FREM2: variants seen among roughly 807,000 people sequenced by gnomAD.
FREM2 encodes the protein FRAS1-related extracellular matrix protein 2.
FREM2 carries 119 observed loss-of-function variants against 219.9 expected under a neutral mutation model. That is an observed-to-expected ratio of 0.54 (90% CI 0.47 to 0.63). The LOEUF is 0.63. FREM2 is among the 30% of genes least tolerant of loss of function. FREM2 has a pLI of 0.00. For missense variants in FREM2, 4,030 were observed against 3,993.6 expected, an observed-to-expected ratio of 1.01 and a Z score of -0.25; for synonymous variants, 1,562 against 1,522.8, an observed-to-expected ratio of 1.03 and a Z score of -0.60.
intron 6 of FREM2, among the ~76,000 whole-genome samples, chr13:38,819,807 G>A (rs923205067): frequency 1.3e-5 from 2 of 152,034 alleles, no homozygotes; most frequent in Non-Finnish European, 1.5e-5. Context: ...CTTGCCCAAG[G>A]TCAAACAGCC....
intron 2 of FREM2, among the ~76,000 whole-genome samples, chr13:38,760,144 G>A (rs1445633965): frequency 1.3e-5 from 2 of 152,148 alleles, no homozygotes; most frequent in African/African-American, 4.8e-5. Context: ...TTAAGTATCT[G>A]TTTCATTTAT....
In FREM2 at chr13:38,694,915, A is replaced by G. The variant is rs549451848; in HGVS notation, c.5173+2398A>G. On this transcript the variant is annotated intron_variant, in intron 1 of 23. Transcript: ENST00000280481. ...TATTCTGTGGGATAATTTATAAGCC[A>G]GTTTCAGGAAAGCAGAAATGTCTTC... is the stretch of plus-strand genomic sequence containing the variant. Among the ~76,000 whole-genome samples the G allele has an allele frequency of 4.6e-5, 7 of 152,328 alleles. No individual in the cohort carries two copies. In the South Asian group the frequency reaches 1.4e-3, roughly 32 times the overall value.
At chr13:38,750,924 C>A (rs1593383808) in intron 2 of FREM2, among the ~76,000 whole-genome samples, 1 of 152,134 alleles carries the variant, frequency 6.6e-6, no homozygotes, top group East Asian at 1.9e-4. Context: ...GAACTCATGA[C>A]CTTAGGTGAT....
chr13:38,689,840 C>T lies in FREM2; in HGVS notation c.2496C>T (p.Ile832=). The change falls in exon 1 of 24, where the codon ATC becomes ATT. Residue 832 remains isoleucine, a synonymous_variant. Transcript: ENST00000280481. ...CCGTGGACAACCAGCCACCTGAGAT[C>T]CTCAACACCGGCTTCACTATTCAGG... ...LHPVDNQPPE[I]LNTGFTIQEK... The T allele has an allele frequency of 6.2e-7, 1 of 1,614,148 alleles. No homozygotes were observed.
At chr13:38,865,283 C>T (rs1383592707) in intron 16 of FREM2, among the ~76,000 whole-genome samples, 9 of 152,220 alleles carry the variant, frequency 5.9e-5, no homozygotes, top group Admixed American at 5.2e-4. Flanking sequence ...TCCTCACCCC[C>T]ACCCCATCAT....
chr13:38,832,861 A>G (rs1292193931), intron 6 of FREM2, among the ~76,000 whole-genome samples: 1 of 152,126 alleles, frequency 6.6e-6, no homozygotes, highest in African/African-American at 2.4e-5. Flanking sequence ...CCTGAGAAAC[A>G]TGGCAAAACC....
chr13:38,768,631 T>C (rs948639226), intron 3 of FREM2, among the ~76,000 whole-genome samples: 1 of 152,194 alleles, frequency 6.6e-6, no homozygotes, highest in African/African-American at 2.4e-5. Flanking sequence ...CTGAAAATGC[T>C]CAGGTTTAGA....
chr13:38,715,878 T>C (rs1870977839), intron 2 of FREM2, among the ~76,000 whole-genome samples: 1 of 152,056 alleles, frequency 6.6e-6, no homozygotes, highest in African/African-American at 2.4e-5. Flanking sequence ...TTAACCTTAG[T>C]CTAAGCTTAA....
At chr13:38,734,349 C>A (rs1464374961) in intron 2 of FREM2, among the ~76,000 whole-genome samples, 1 of 152,126 alleles carries the variant, frequency 6.6e-6, no homozygotes, top group African/African-American at 2.4e-5. Context: ...AGAAAAGACC[C>A]AGAGGAGTCT....
chr13:38,716,708 A>G (rs984322844), intron 2 of FREM2, among the ~76,000 whole-genome samples: 2 of 152,144 alleles, frequency 1.3e-5, no homozygotes, highest in Non-Finnish European at 2.9e-5. Context: ...GGGTTTCACC[A>G]TGTTGGCCAG....
chr13:38,740,948 T>TC (rs1302625447), intron 2 of FREM2, among the ~76,000 whole-genome samples: 1 of 152,182 alleles, frequency 6.6e-6, no homozygotes, highest in Non-Finnish European at 1.5e-5. Flanking sequence ...GTTTGACTAT[T>TC]CAACAATGCA....
At chr13:38,752,889 A>G (rs1281026775) in intron 2 of FREM2, among the ~76,000 whole-genome samples, 1 of 152,188 alleles carries the variant, frequency 6.6e-6, no homozygotes, top group African/African-American at 2.4e-5. Context: ...CCTTTAGCTC[A>G]GAGTCTCCTT....
chr13:38,832,088 G>A (rs929705598), intron 6 of FREM2, among the ~76,000 whole-genome samples: 1 of 152,000 alleles, frequency 6.6e-6, no homozygotes, highest in Non-Finnish European at 1.5e-5. Context: ...GCCAAGGCAG[G>A]TGGATCACTT....
intron 6 of FREM2, among the ~76,000 whole-genome samples, chr13:38,836,847 T>A (rs1876729894): frequency 6.6e-6 from 1 of 152,182 alleles, no homozygotes; most frequent in Non-Finnish European, 1.5e-5. Flanking sequence ...TCTTCTTTAT[T>A]AGTGTGGCTA....
Position 38,687,446 on chromosome 13 carries a change from G to T in FREM2, c.102G>T (p.Leu34=), listed in dbSNP as rs994570174. ...PPPPPRLLLL[L]LLLLSLVSRV... ...CGCCGCCCCGGCTGCTGCTGCTGCT[G>T]CTGCTTCTCCTGTCACTGGTAAGCC... The change falls in exon 1 of 24, where the codon CTG becomes CTT. Residue 34 remains leucine, a synonymous_variant. Transcript: ENST00000280481. 1 of 1,595,870 alleles carries T rather than the reference G, an allele frequency of 6.3e-7. No individual in the cohort carries two copies. The highest frequency in any genetic ancestry group is 1.1e-5 in the South Asian group (1 of 88,498).
chr13:38,688,139 C>G lies in FREM2; in HGVS notation c.795C>G (p.Arg265=). ...AAGCTTTCCAGGAACTAGGCGTGCG[C>G]TATCGCCACACAGCCGCCAGTCGCT... is the stretch of plus-strand genomic sequence containing the variant. The part of the protein sequence containing the change: ...DCKAFQELGV[R]YRHTAASRSP... Residue 265 remains arginine, a synonymous_variant, in exon 1 of 24, where the codon CGC becomes CGG. Transcript: ENST00000280481. 6.2e-7 allele frequency: 1 copy of G among 1,613,448 alleles called. No individual in the cohort carries two copies. Among genetic ancestry groups the G allele is most frequent in the South Asian group, 1.1e-5 (1 of 91,082 alleles).
chr13:38,824,115 A>G (rs1876177236), intron 6 of FREM2, among the ~76,000 whole-genome samples: 1 of 152,132 alleles, frequency 6.6e-6, no homozygotes, highest in South Asian at 2.1e-4. Flanking sequence ...GGTGCTTGTG[A>G]TAGGGGACAG....
intron 1 of FREM2, among the ~76,000 whole-genome samples, chr13:38,695,815 G>A (rs1566107675): frequency 1.3e-5 from 2 of 152,164 alleles, no homozygotes; most frequent in South Asian, 4.1e-4. Context: ...AGAGATACAA[G>A]TGTGATCTAC....
rs767081005 is a variant in FREM2, at chr13:38,691,101, A to G, written c.3757A>G (p.Thr1253Ala). 8.1e-6 allele frequency: 13 copies of G among 1,613,998 alleles called. No homozygotes were observed. The highest frequency in any genetic ancestry group is 9.3e-6 in the Non-Finnish European group (11 of 1,180,024). ...TGGCACGGTTTTGGTCGAAAGCTTC[A>G]CCTTGGATCAGATCATAGAGAGTTC... is the stretch of plus-strand genomic sequence containing the variant. ...INGTVLVESFTLDQIIESSSI... is the reference protein window; with the variant it reads ...INGTVLVESFALDQIIESSSI... Residue 1253 changes from threonine (T) to alanine (A), a missense_variant, in exon 1 of 24, where the codon ACC becomes GCC. This residue lies in a region of FREM2 where 3,102 missense variants were observed against 2,950.7 expected (regional missense o/e 1.05). Coordinates refer to ENST00000280481, the MANE Select transcript of FREM2 (RefSeq NM_207361.6).
Sources: allele counts gnomAD v4.1 joint callset (sites outside exome capture counted in the v4.1 genomes callset), GRCh38; gene constraint gnomAD v4.1.1; regional missense constraint gnomAD v4.1.1; transcripts MANE v1.5; gene names NCBI Gene and HGNC (gene_info 2026-07-23, HGNC 2026-07-21).